The following PEX5L variants were observed in gnomAD, a reference collection of about 807,000 sequenced individuals.
The protein encoded by PEX5L is peroxisomal biogenesis factor 5 like.
Under a neutral mutation model 84.0 loss-of-function variants are expected in PEX5L, and 30 were observed. That is an observed-to-expected ratio of 0.36 (90% CI 0.27 to 0.48). The LOEUF is 0.48. Among genes scored for constraint, PEX5L ranks in the 20% least tolerant of loss-of-function variants. The probability of loss-of-function intolerance (pLI) is 0.99; values close to 1 mark genes in which losing one functional copy is unlikely to be tolerated. For synonymous variants in PEX5L, 270 were observed against 283.1 expected (o/e 0.95, Z 0.46); for missense variants, 533 against 754.6 (o/e 0.71, Z 3.44).
At chr3:180,026,655 A>G (rs1055322181) in intron 1 of PEX5L, among the ~76,000 whole-genome samples, 3 of 152,216 alleles carry the variant, frequency 2.0e-5, no homozygotes, top group Admixed American at 2.0e-4. Context: ...TAATAAGCCA[A>G]TATAAGCTAG....
chr3:179,890,692 A>C (rs1757345700), intron 3 of PEX5L, among the ~76,000 whole-genome samples: 1 of 152,188 alleles, frequency 6.6e-6, no homozygotes, highest in Non-Finnish European at 1.5e-5. Flanking sequence ...AACAAACAAA[A>C]AAAACTAAGA....
chr3:179,974,561 T>C (rs773244639), intron 1 of PEX5L, among the ~76,000 whole-genome samples: 1 of 152,178 alleles, frequency 6.6e-6, no homozygotes, highest in Non-Finnish European at 1.5e-5. Flanking sequence ...TTCACCCCCA[T>C]AAGAAGCTTT....
intron 10 of PEX5L, among the ~76,000 whole-genome samples, chr3:179,814,709 CCTCTGT>C (rs1192123690): frequency 1.3e-5 from 2 of 152,004 alleles, no homozygotes; most frequent in African/African-American, 4.8e-5. Context: ...GGTCTCCCAG[CCTCTGT>C]CTCTAATCAC....
intron 1 of PEX5L, among the ~76,000 whole-genome samples, chr3:179,995,379 G>A (rs547457089): frequency 2.3e-4 from 35 of 151,934 alleles, no homozygotes; most frequent in African/African-American, 8.4e-4. Flanking sequence ...TGGGGTTTCT[G>A]GAGTTGGCTG....
At chr3:180,028,246 T>C (rs916522578) in intron 1 of PEX5L, among the ~76,000 whole-genome samples, 5 of 152,194 alleles carry the variant, frequency 3.3e-5, no homozygotes, top group African/African-American at 9.7e-5. Context: ...ATTCTTTCTA[T>C]GCTTATTCAA....
At chr3:179,856,588 C>T (rs1249230360) in intron 8 of PEX5L, among the ~76,000 whole-genome samples, 1 of 152,116 alleles carries the variant, frequency 6.6e-6, no homozygotes. Flanking sequence ...TTAGATAATA[C>T]CCTGGGTAAG....
chr3:179,989,363 C>T (rs1278069444), intron 1 of PEX5L, among the ~76,000 whole-genome samples: 1 of 152,086 alleles, frequency 6.6e-6, no homozygotes, highest in African/African-American at 2.4e-5. Flanking sequence ...AAATGCTCAC[C>T]ATGCTTAGTT....
In PEX5L at chr3:179,798,506, A is replaced by G. The variant is rs1027344448; in HGVS notation, c.*3322T>C. 1 of 152,234 alleles carries G rather than the reference A, an allele frequency of 6.6e-6. No homozygotes were observed. Among genetic ancestry groups the G allele is most frequent in the African/African-American group, 2.4e-5 (1 of 41,454 alleles). 9.4% of individuals were successfully genotyped at this position (152,234 alleles called of 1,614,324 possible). On this transcript the variant is annotated 3_prime_UTR_variant, in exon 15 of 15. Coordinates refer to ENST00000467460, the MANE Select transcript of PEX5L (RefSeq NM_016559.3). Reference sequence around the variant, plus strand: ...GCCTACTAGAAATGGTTATATTTTGAAACTCAGCAATAATCACTGGCTTTC... The same window carrying G: ...GCCTACTAGAAATGGTTATATTTTGGAACTCAGCAATAATCACTGGCTTTC...
chr3:179,845,393 T>C (rs533593748), intron 8 of PEX5L, among the ~76,000 whole-genome samples: 1 of 152,220 alleles, frequency 6.6e-6, no homozygotes, highest in Non-Finnish European at 1.5e-5. Context: ...TTTCTGGGTA[T>C]GTTTTAATAC....
chr3:179,867,042 G>GA (rs60924890), intron 7 of PEX5L, among the ~76,000 whole-genome samples: 85 of 110,514 alleles, frequency 7.7e-4, no homozygotes, highest in African/African-American at 1.1e-3. Context: ...AAAAAAAAAA[G>GA]AAAAAAAAAA....
At position 179,801,883 on chromosome 3, in the gene PEX5L, G is replaced by C; in HGVS notation, c.1826C>G (p.Ala609Gly). The C allele has an allele frequency of 6.2e-7, 1 of 1,613,912 alleles. No individual in the cohort carries two copies. The highest frequency in any genetic ancestry group is 1.1e-5 in the South Asian group (1 of 91,062). The change falls in exon 15 of 15, where the codon GCG becomes GGG. Residue 609 changes from alanine (A) to glycine (G), a missense_variant. Ala to Gly is a moderately conservative substitution (Grantham distance 60). Coordinates refer to ENST00000467460, the MANE Select transcript of PEX5L (RefSeq NM_016559.3). ...SLMDQPELFQ[A>G]ANLGDLDVLL... ...GACATCCAGGTCACCAAGATTAGCC[G>C]CCTGGAAGAGTTCTGGTTGGTCCAT...
At chr3:179,913,012 T>C (rs965584646) in intron 2 of PEX5L, among the ~76,000 whole-genome samples, 1 of 152,116 alleles carries the variant, frequency 6.6e-6, no homozygotes, top group African/African-American at 2.4e-5. Context: ...TATTTAGTAA[T>C]GTAGAATGAA....
At chr3:179,963,294 G>A (rs376692045) in intron 2 of PEX5L, among the ~76,000 whole-genome samples, 1 of 152,260 alleles carries the variant, frequency 6.6e-6, no homozygotes, top group South Asian at 2.1e-4. Context: ...TCCTGCATAG[G>A]TAGAAACATC....
intron 8 of PEX5L, 124 bp downstream of exon 8, chr3:179,858,938 T>A (rs1745004472): frequency 6.2e-6 from 4 of 649,020 alleles, no homozygotes; most frequent in Non-Finnish European, 8.4e-6. Flanking sequence ...TTGACAATCA[T>A]AATCATGGCT....
intron 1 of PEX5L, among the ~76,000 whole-genome samples, chr3:180,009,810 A>G (rs537309655): frequency 2.6e-5 from 4 of 152,236 alleles, no homozygotes; most frequent in African/African-American, 9.6e-5. Flanking sequence ...GGCTTAATTT[A>G]GTTCACCTCT....
intron 8 of PEX5L, among the ~76,000 whole-genome samples, chr3:179,837,472 T>C (rs1735382243): frequency 6.6e-6 from 1 of 152,216 alleles, no homozygotes; most frequent in African/African-American, 2.4e-5. Flanking sequence ...TCACAATCAG[T>C]AGCTTCTGTG....
rs748106955 is a variant in PEX5L, at chr3:179,809,651, G to C, written c.1172C>G (p.Pro391Arg). The change falls in exon 12 of 15, where the codon CCC becomes CGC. Residue 391 changes from proline (P) to arginine (R), a missense_variant. Pro to Arg is a moderately radical substitution (Grantham distance 103). Coordinates refer to ENST00000467460, the MANE Select transcript of PEX5L (RefSeq NM_016559.3). ...VALQRCLELQPNNLKALMALA... is the reference protein window; with the variant it reads ...VALQRCLELQRNNLKALMALA... ...GGCCATCAAAGCTTTTAAGTTGTTG[G>C]GCTGTAATTCTAAGCACCTGAAAAA... is the stretch of plus-strand genomic sequence containing the variant. 6.2e-7 allele frequency: 1 copy of C among 1,605,688 alleles called. No homozygotes were observed. Among genetic ancestry groups the C allele is most frequent in the East Asian group, 2.2e-5 (1 of 44,628 alleles).
chr3:179,809,073 C>CAAAA (rs10684376), intron 12 of PEX5L, among the ~76,000 whole-genome samples: 15,533 of 47,908 alleles, frequency 0.32, 4,456 homozygotes, highest in East Asian at 0.52. Context: ...GATTCCGCCT[C>CAAAA]AAAAAAAAAA....
chr3:179,863,561 C>T (rs896492148), intron 7 of PEX5L, among the ~76,000 whole-genome samples: 2 of 152,012 alleles, frequency 1.3e-5, no homozygotes, highest in Non-Finnish European at 2.9e-5. Context: ...GTACAAATGG[C>T]CAATAGATAT....
Sources: gnomAD v4.1 joint callset for allele counts (sites outside exome capture counted in the v4.1 genomes callset) on GRCh38, gnomAD v4.1.1 for gene constraint, MANE v1.5 for transcripts, NCBI Gene and HGNC (gene_info 2026-07-23, HGNC 2026-07-21) for gene names.